Variants in PCDH7 observed in about 807,000 individuals in gnomAD.
PCDH7 encodes protocadherin-7.
In PCDH7, 17 loss-of-function variants were observed where a neutral mutation model predicts 58.9. The observed-to-expected ratio is 0.29, with a 90% confidence interval of 0.20 to 0.43. PCDH7 has a LOEUF of 0.43. PCDH7 is among the 20% of genes least tolerant of loss of function. PCDH7 has a pLI of 1.00. For synonymous variants in PCDH7, 664 were observed against 616.4 expected (o/e 1.08, Z -1.14); for missense variants, 1,274 against 1,441.0 (o/e 0.88, Z 1.88).
At chr4:30,787,143 G>C (rs954385658) in intron 1 of PCDH7, among the ~76,000 whole-genome samples, 6 of 151,976 alleles carry the variant, frequency 3.9e-5, no homozygotes, top group Non-Finnish European at 7.4e-5. Flanking sequence ...TCTTCAGTTT[G>C]CACTTGAATG....
intron 1 of PCDH7, among the ~76,000 whole-genome samples, chr4:30,893,534 C>T (rs1452363975): frequency 6.6e-6 from 1 of 152,024 alleles, no homozygotes; most frequent in African/African-American, 2.4e-5. Flanking sequence ...AATATGAAGT[C>T]AGAAGTTTAG....
At chr4:30,801,627 T>G (rs1178980692) in intron 1 of PCDH7, among the ~76,000 whole-genome samples, 2 of 152,232 alleles carry the variant, frequency 1.3e-5, no homozygotes, top group African/African-American at 4.8e-5. Context: ...ATAGCATATT[T>G]TGTTTTAAAG....
At chr4:30,873,837 A>T (rs1233844877) in intron 1 of PCDH7, among the ~76,000 whole-genome samples, 1 of 151,804 alleles carries the variant, frequency 6.6e-6, no homozygotes, top group Non-Finnish European at 1.5e-5. Flanking sequence ...GCTTTTATTT[A>T]TTTTTATTTA....
chr4:30,859,720 G>A lies in PCDH7; in HGVS notation c.71-60433G>A, dbSNP rs559958699. Among the ~76,000 whole-genome samples, 19 of 152,186 alleles carry A rather than the reference G, an allele frequency of 1.2e-4. 1 individual carries two copies. In the South Asian group the frequency reaches 2.5e-3, roughly 20 times the overall value. On this transcript the variant is annotated intron_variant, in intron 1 of 3. Coordinates refer to the PCDH7 transcript ENST00000509759. ...CCCGCAAAGTGCTGGGATTACAGAC[G>A]TGAGCCACCATGCCGGGCCAGCTCT... is the stretch of plus-strand genomic sequence containing the variant.
chr4:31,121,923 T>A (rs945172375), intron 3 of PCDH7, among the ~76,000 whole-genome samples: 1 of 152,148 alleles, frequency 6.6e-6, no homozygotes, highest in East Asian at 1.9e-4. Context: ...TGCTTCTCCT[T>A]GTTGGTTAGT....
At chr4:30,804,435 A>C (rs1725921311) in intron 1 of PCDH7, among the ~76,000 whole-genome samples, 1 of 151,666 alleles carries the variant, frequency 6.6e-6, no homozygotes, top group African/African-American at 2.4e-5. Flanking sequence ...GCTACTCAGG[A>C]GGCTGAGGCA....
rs1758165271 is a variant in PCDH7 at position 31,067,292 on chromosome 4, C to T, written c.*8-75181C>T. ...ACAACAAGGTTTGGGAACCACTGTT[C>T]CAGGGATGTCTAGGATTTTTATTTC... On this transcript the variant is annotated intron_variant, in intron 3 of 3. Transcript: ENST00000509759. Among the ~76,000 whole-genome samples, 3 of 150,188 alleles carry T rather than the reference C, an allele frequency of 2.0e-5. No individual in the cohort carries two copies. The South Asian group carries it at 6.3e-4, about 31-fold the overall frequency.
intron 1 of PCDH7, among the ~76,000 whole-genome samples, chr4:30,868,629 A>C (rs989830735): frequency 6.6e-6 from 1 of 152,060 alleles, no homozygotes; most frequent in African/African-American, 2.4e-5. Context: ...GATGGAAAAA[A>C]AAATCTATGT....
chr4:30,722,806 G>A lies in PCDH7; in HGVS notation c.1384G>A (p.Val462Met), dbSNP rs753925070. The stretch of plus-strand genomic sequence containing the variant: ...CGAGAACGGGGTGGTCACCTGCACC[G>A]TGGTGGGCGACGTGCCCTTCCAGCT... Residue 462 changes from valine to methionine, a missense_variant, in exon 1 of 2, where the codon GTG becomes ATG. Val to Met is a conservative substitution (Grantham distance 21). Transcript: ENST00000361762. This position sits in a 1 kb window ranked among gnomAD's most constrained non-coding sequence, Gnocchi z 7.6. 6.2e-7 allele frequency: 1 copy of A among 1,613,554 alleles called. No individual in the cohort carries two copies. Among genetic ancestry groups the A allele is most frequent in the African/African-American group, 1.3e-5 (1 of 74,936 alleles).
chr4:30,726,450 G>C (rs181015588), intron 1 of PCDH7, among the ~76,000 whole-genome samples: 167 of 152,112 alleles, frequency 1.1e-3, no homozygotes, highest in African/African-American at 3.7e-3. Context: ...CATATGTTCT[G>C]TGCTGTTACT....
rs773662536 is a variant in PCDH7, at chr4:30,722,911, G to A, written c.1489G>A (p.Ala497Thr). 5 of 1,613,792 alleles carry A rather than the reference G, an allele frequency of 3.1e-6. No homozygotes were observed. Among genetic ancestry groups the A allele is most frequent in the East Asian group, 4.5e-5 (2 of 44,868 alleles). ...CACCTCGACCCCTCTGGACTATGAGGCCACCCGGGAGTTCAACGTGGTCAT... is the reference window on the plus strand; with the variant it reads ...CACCTCGACCCCTCTGGACTATGAGACCACCCGGGAGTTCAACGTGGTCAT... Residue 497 changes from alanine (A) to threonine (T), a missense_variant, in exon 1 of 2, where the codon GCC becomes ACC. Around this residue, in one of 3 missense-constraint regions of PCDH7, gnomAD observed 731 missense variants for 881.9 expected, o/e 0.83. Transcript: ENST00000361762. The surrounding 1 kb of genome is among the most constrained non-coding windows in gnomAD (Gnocchi z 7.6).
At chr4:30,848,670 T>C (rs1398744085) in intron 1 of PCDH7, among the ~76,000 whole-genome samples, 1 of 152,128 alleles carries the variant, frequency 6.6e-6, no homozygotes, top group Non-Finnish European at 1.5e-5. Flanking sequence ...TAAAGTTCAG[T>C]TTGTATTCCA....
intron 1 of PCDH7, among the ~76,000 whole-genome samples, chr4:30,754,701 T>G (rs1719037072): frequency 6.6e-6 from 1 of 152,208 alleles, no homozygotes; most frequent in African/African-American, 2.4e-5. Flanking sequence ...ATTTCAATAT[T>G]TTATCTTCAA....
intron 1 of PCDH7, among the ~76,000 whole-genome samples, chr4:30,795,830 T>A (rs887506658): frequency 6.6e-6 from 1 of 152,282 alleles, no homozygotes; most frequent in East Asian, 1.9e-4. Flanking sequence ...TATTTGTAAA[T>A]GGGAATATAA....
Position 30,721,559 on chromosome 4 carries a change from T to A in PCDH7, c.137T>A (p.Val46Asp). 5 of 1,605,246 alleles carry A rather than the reference T, an allele frequency of 3.1e-6. No individual in the cohort carries two copies. The highest frequency in any genetic ancestry group is 4.2e-6 in the Non-Finnish European group (5 of 1,179,844). ...CTGGCCGAGGAGGGCCCCGCCGACG[T>A]CCGCATCGGCAACGTGGCTTCAGAC... Residue 46 changes from valine to aspartate, a missense_variant, in exon 1 of 2, where the codon GTC becomes GAC. This residue lies in a region of PCDH7 where 212 missense variants were observed against 255.8 expected (regional missense o/e 0.83). Coordinates refer to ENST00000361762, the Ensembl canonical transcript of PCDH7. The surrounding 1 kb of genome is among the most constrained non-coding windows in gnomAD (Gnocchi z 6.7).
exon 1 of PCDH7, chr4:30,724,355 G>A (rs1374876227): frequency 1.2e-6 from 2 of 1,614,060 alleles, no homozygotes; most frequent in South Asian, 2.2e-5. Flanking sequence ...CCAAGCATGG[G>A]GCGATACAGG....
At chr4:31,101,334 G>A (rs1380982460) in intron 3 of PCDH7, among the ~76,000 whole-genome samples, 1 of 152,128 alleles carries the variant, frequency 6.6e-6, no homozygotes, top group East Asian at 1.9e-4. Context: ...TGTATCTAAA[G>A]TGGTATTTTT....
At chr4:30,865,963 G>A (rs535183314) in intron 1 of PCDH7, among the ~76,000 whole-genome samples, 101 of 152,202 alleles carry the variant, frequency 6.6e-4, no homozygotes, top group African/African-American at 2.4e-3. Flanking sequence ...CTTCCGTGGA[G>A]TGGAAAACTG....
intron 3 of PCDH7, among the ~76,000 whole-genome samples, chr4:31,042,559 C>A (rs922442866): frequency 1.3e-5 from 2 of 152,022 alleles, no homozygotes; most frequent in African/African-American, 4.8e-5. Context: ...TGTAAGTTAA[C>A]TCCTAACTTA....
Sources: allele counts gnomAD v4.1 joint callset (sites outside exome capture counted in the v4.1 genomes callset), GRCh38; gene constraint gnomAD v4.1.1; regional missense constraint gnomAD v4.1.1; non-coding constraint Gnocchi (gnomAD v3.1); transcripts MANE v1.5; gene names NCBI Gene and HGNC (gene_info 2026-07-23, HGNC 2026-07-21).